The following MYO16 variants were observed in gnomAD, a reference collection of about 807,000 sequenced individuals.
MYO16 encodes unconventional myosin-XVI.
MYO16 carries 94 observed loss-of-function variants against 205.3 expected under a neutral mutation model. The ratio of observed to expected loss-of-function variants is 0.46; its 90% CI spans 0.39 to 0.54. The LOEUF (loss-of-function observed/expected upper bound fraction) is 0.54. Among genes scored for constraint, MYO16 ranks in the 20% least tolerant of loss-of-function variants. MYO16 has a pLI of 0.00. For synonymous variants in MYO16, 988 were observed against 954.0 expected (o/e 1.04, Z -0.66); for missense variants, 2,315 against 2,387.5 (o/e 0.97, Z 0.63).
At chr13:108,505,393 T>A in the MYO16 span, among the ~76,000 whole-genome samples, 571 of 152,312 alleles carry the variant, frequency 3.7e-3, 2 homozygotes, top group Non-Finnish European at 6.5e-3. Context: ...CATATGTCAT[T>A]GTGGTTTTAA....
At chr13:109,184,626 T>A (rs2139928408) in intron 34 of MYO16, among the ~76,000 whole-genome samples, 1 of 152,206 alleles carries the variant, frequency 6.6e-6, no homozygotes, top group South Asian at 2.1e-4. Context: ...TTTGAGATAG[T>A]CTCCCTCTGT....
the MYO16 span, among the ~76,000 whole-genome samples, chr13:108,586,833 A>G: frequency 1.3e-5 from 2 of 152,202 alleles, no homozygotes; most frequent in Admixed American, 6.5e-5. Context: ...CAATTTCTAT[A>G]AGGACCCTTT....
chr13:109,082,422 TA>T (rs1888309091), intron 27 of MYO16, among the ~76,000 whole-genome samples: 1 of 152,184 alleles, frequency 6.6e-6, no homozygotes, highest in Non-Finnish European at 1.5e-5. Context: ...ATTTTGAATC[TA>T]AAAATATAAC....
chr13:109,201,023 G>C (rs908383928), intron 34 of MYO16, among the ~76,000 whole-genome samples: 6 of 151,924 alleles, frequency 3.9e-5, no homozygotes, highest in Admixed American at 6.6e-5. Flanking sequence ...CCAACTGCTG[G>C]GTAGAGATTT....
Position 109,117,377 on chromosome 13 carries a change from A to G in MYO16, c.3439-2993A>G, listed in dbSNP as rs79886652. On this transcript the variant is annotated intron_variant, in intron 28 of 34. Transcript: ENST00000457511. ...ATATATATAATATGCAAATATATAT[A>G]ATATATGCGTGTGTATATATGTATA... Among the ~76,000 whole-genome samples the G allele has an allele frequency of 5.9e-4, 79 of 133,192 alleles. No homozygotes were observed. In the East Asian group the frequency reaches 0.014, roughly 23 times the overall value. 87.4% of individuals were successfully genotyped at this position (133,192 alleles called of 152,430 possible).
intron 4 of MYO16, chr13:108,779,683 C>T (rs1886236663): frequency 6.6e-6 from 1 of 152,134 alleles, no homozygotes. Context: ...TGCCATTGGG[C>T]TGCTAGGGAA....
At chr13:108,729,946 CAAAGA>C (rs1323012561) in intron 4 of MYO16, among the ~76,000 whole-genome samples, 4 of 152,206 alleles carry the variant, frequency 2.6e-5, no homozygotes, top group Middle Eastern at 3.4e-3. Flanking sequence ...CAAATTATGA[CAAAGA>C]AAAGAAGAGT....
chr13:108,893,965 C>G (rs1309823969), intron 14 of MYO16, among the ~76,000 whole-genome samples: 1 of 152,110 alleles, frequency 6.6e-6, no homozygotes, highest in Admixed American at 6.5e-5. Context: ...AAGATACCAC[C>G]TGAGACTAGG....
At chr13:108,549,326 G>A in the MYO16 span, among the ~76,000 whole-genome samples, 1 of 152,094 alleles carries the variant, frequency 6.6e-6, no homozygotes, top group African/African-American at 2.4e-5. Context: ...GCCAACAAAT[G>A]CAGGCACATC....
In MYO16 at chr13:108,957,647, G is replaced by A. The variant is rs542809019; in HGVS notation, c.1926-41G>A. 5.0e-5 allele frequency: 71 copies of A among 1,419,270 alleles called. No homozygotes were observed. The Middle Eastern group carries it at 1.4e-3, about 28-fold the overall frequency. The allele number at this position is 1,419,270 out of a possible 1,614,324, so 87.9% of individuals were successfully genotyped here. A position where few individuals can be genotyped will look rare whatever the true frequency, so the allele number is the denominator to read the frequency against. On this transcript the variant is annotated intron_variant, in intron 16 of 34. Transcript: ENST00000457511. ...GACTTTTAACCACAGAAGTCTGACC[G>A]GAAGCCAGGCGATAACGTTACGTGC... is the stretch of plus-strand genomic sequence containing the variant.
rs538808673 is a variant in MYO16 at position 108,958,643 on chromosome 13, T to G, written c.2037+844T>G. 2.0e-5 allele frequency among the ~76,000 whole-genome samples: 3 copies of G among 152,342 alleles called. No homozygotes were observed. In the South Asian group the frequency reaches 6.2e-4, roughly 32 times the overall value. On this transcript the variant is annotated intron_variant, in intron 17 of 34. Coordinates refer to ENST00000457511, the MANE Select transcript of MYO16 (RefSeq NM_001198950.3). The stretch of plus-strand genomic sequence containing the variant: ...GTGGGCTGAAGAAATAAATGTTTAA[T>G]ATTTCTTTATTTTAATTAATGTAAA...
rs762015092 is a variant in MYO16, at chr13:108,925,786, C to T, written c.1925+15636C>T. ...CATCTCCCACCTGAAAGTCTTCAAGCCTTTCTGTTGGACTCCCTGACACTG... is the reference window on the plus strand; with the variant it reads ...CATCTCCCACCTGAAAGTCTTCAAGTCTTTCTGTTGGACTCCCTGACACTG... On this transcript the variant is annotated intron_variant, in intron 16 of 34. Coordinates refer to ENST00000457511, the MANE Select transcript of MYO16 (RefSeq NM_001198950.3). Among the ~76,000 whole-genome samples the T allele has an allele frequency of 3.5e-4, 53 of 152,310 alleles. 1 individual carries two copies. In the Middle Eastern group the frequency reaches 0.014, roughly 39 times the overall value.
intron 17 of MYO16, among the ~76,000 whole-genome samples, chr13:108,960,214 G>A (rs1192585690): frequency 4.7e-5 from 7 of 148,028 alleles, no homozygotes; most frequent in Middle Eastern, 3.5e-3. Flanking sequence ...GGTCAAGGCC[G>A]TAGTAAGTTA....
At chr13:108,847,373 C>T (rs1035422058) in intron 10 of MYO16, among the ~76,000 whole-genome samples, 3 of 152,110 alleles carry the variant, frequency 2.0e-5, no homozygotes, top group Non-Finnish European at 4.4e-5. Context: ...AGTAATATGC[C>T]GCATGGTATC....
At chr13:109,178,863 G>A (rs1237045211) in intron 33 of MYO16, among the ~76,000 whole-genome samples, 1 of 152,160 alleles carries the variant, frequency 6.6e-6, no homozygotes, top group African/African-American at 2.4e-5. Context: ...CTGGGAAACT[G>A]CTTTGATCAT....
At chr13:108,799,306 C>G (rs2138963356) in intron 6 of MYO16, among the ~76,000 whole-genome samples, 1 of 152,268 alleles carries the variant, frequency 6.6e-6, no homozygotes, top group East Asian at 1.9e-4. Context: ...CATGGATCAC[C>G]TTTCAAAATA....
rs577810594 is a variant in MYO16, at chr13:109,077,097, G to T, written c.3335+21502G>T. 3.3e-5 allele frequency among the ~76,000 whole-genome samples: 5 copies of T among 150,842 alleles called. No homozygotes were observed. The East Asian group carries it at 9.7e-4, about 29-fold the overall frequency. On this transcript the variant is annotated intron_variant, in intron 27 of 34. Transcript: ENST00000457511. ...TATGGTGGCACAATCTCGGCTCACTGCAGCCTCCATCTCCTGGGTGCAAAT... is the reference window on the plus strand; with the variant it reads ...TATGGTGGCACAATCTCGGCTCACTTCAGCCTCCATCTCCTGGGTGCAAAT...
intron 1 of MYO16, among the ~76,000 whole-genome samples, chr13:108,665,216 C>G (rs538451317): frequency 6.6e-6 from 1 of 152,034 alleles, no homozygotes; most frequent in African/African-American, 2.4e-5. Flanking sequence ...TCCAAGCAGT[C>G]GGGACTATAG....
intron 15 of MYO16, among the ~76,000 whole-genome samples, chr13:108,898,926 G>A (rs113006051): frequency 1.3e-5 from 2 of 152,118 alleles, no homozygotes; most frequent in African/African-American, 4.8e-5. Flanking sequence ...TACAACAGCT[G>A]TCAGCACATA....
Sources: allele counts gnomAD v4.1 joint callset (sites outside exome capture counted in the v4.1 genomes callset), GRCh38; gene constraint gnomAD v4.1.1; transcripts MANE v1.5; gene names NCBI Gene and HGNC (gene_info 2026-07-23, HGNC 2026-07-21).